CAPNS1: variants seen among roughly 807,000 people sequenced by gnomAD.
CAPNS1 encodes the protein CANP small subunit.
In CAPNS1, 32 loss-of-function variants were observed where a neutral mutation model predicts 39.2. The ratio of observed to expected loss-of-function variants is 0.82; its 90% CI spans 0.62 to 1.10. The LOEUF is 1.10. Ranked by LOEUF, CAPNS1 falls within the 50% of genes least tolerant of loss-of-function variation. The pLI is 0.00. For synonymous variants in CAPNS1, 153 were observed against 136.2 expected (o/e 1.12, Z -0.86); for missense variants, 353 against 373.1 (o/e 0.95, Z 0.44).
intron 4 of CAPNS1, 21 bp from the exon 5 acceptor site, chr19:36,142,888 G>T: frequency 1.2e-6 from 2 of 1,613,958 alleles, no homozygotes; most frequent in South Asian, 2.2e-5. Context: ...CCCCTGACCT[G>T]CCCCTAACTT....
intron 8 of CAPNS1, 33 bp from the exon 9 acceptor site, chr19:36,146,163 G>GC (rs1568394514): frequency 6.3e-7 from 1 of 1,585,710 alleles, no homozygotes; most frequent in Non-Finnish European, 8.7e-7. Flanking sequence ...GGGCCATGTG[G>GC]CCCCCGCACC....
intron 2 of CAPNS1, 90 bp from the exon 3 acceptor site, chr19:36,142,210 G>A (rs955568504): frequency 1.5e-5 from 12 of 817,666 alleles, no homozygotes; most frequent in Admixed American, 5.1e-5. Flanking sequence ...TAACGGCTGG[G>A]GTCTGGAGCG....
intron 9 of CAPNS1, among the ~76,000 whole-genome samples, chr19:36,147,079 C>G (rs1408701675): frequency 6.6e-6 from 1 of 152,178 alleles, no homozygotes; most frequent in Non-Finnish European, 1.5e-5. Context: ...CTCCTGGGCT[C>G]CAGCAATCCT....
rs768613684 is a variant in CAPNS1 at position 36,150,026 on chromosome 19, T to C, written c.*187T>C. 2.9e-5 allele frequency: 14 copies of C among 484,488 alleles called. No individual in the cohort carries two copies. Among genetic ancestry groups the C allele is most frequent in the African/African-American group, 6.0e-5 (3 of 49,784 alleles). 30.0% of individuals were successfully genotyped at this position (484,488 alleles called of 1,614,324 possible). A position where few individuals can be genotyped will look rare whatever the true frequency, so the allele number is the denominator to read the frequency against. On this transcript the variant is annotated 3_prime_UTR_variant, in exon 11 of 11. Transcript: ENST00000246533. ...AGGGCCCAATTTGCCCTGCCTGGAG[T>C]TCCCCCTGGCTCTAGGACACTCTAA...
Position 36,142,596 on chromosome 19 carries a change from G to T in CAPNS1, c.244-56G>T, listed in dbSNP as rs374159469. The stretch of plus-strand genomic sequence containing the variant: ...CCCCACCCAGGGTACCTGGGTTTGG[G>T]GAGCCGTCCTGGCCGGGTTCCCCTC... On this transcript the variant is annotated intron_variant, in intron 3 of 10. Coordinates refer to ENST00000246533, the MANE Select transcript of CAPNS1 (RefSeq NM_001749.4). 682 of 1,468,422 alleles carry T rather than the reference G, an allele frequency of 4.6e-4. 1 individual carries two copies. Among genetic ancestry groups the T allele is most frequent in the Admixed American group, 6.8e-4 (38 of 56,174 alleles). The allele number at this position is 1,468,422 out of a possible 1,614,324, so 91.0% of individuals were successfully genotyped here. A position where few individuals can be genotyped will look rare whatever the true frequency, so the allele number is the denominator to read the frequency against.
rs1411816649 is a variant in CAPNS1 at position 36,141,163 on chromosome 19, G to T, written c.152G>T (p.Gly51Val). The T allele has an allele frequency of 5.7e-6, 8 of 1,405,658 alleles. No individual in the cohort carries two copies. Among genetic ancestry groups the T allele is most frequent in the Non-Finnish European group, 7.4e-6 (8 of 1,084,136 alleles). The allele number at this position is 1,405,658 out of a possible 1,614,324, so 87.1% of individuals were successfully genotyped here. ...GGGGGGGGGGGGGGGGTAMRI... is the reference protein window; with the variant it reads ...GGGGGGGGGGVGGGGGTAMRI... The stretch of plus-strand genomic sequence containing the variant: ...GGCGGCGGCGGCGGCGGTGGTGGAG[G>T]CGGCGGTGGCGGTGGAACGGCCATG... Residue 51 changes from glycine to valine, a missense_variant, in exon 2 of 11, where the codon GGC (glycine) becomes GTC (valine). Gly to Val is a moderately radical substitution (Grantham distance 109). Transcript: ENST00000246533.
Position 36,146,236 on chromosome 19 carries a change from A to G in CAPNS1, c.645A>G (p.Arg215=), listed in dbSNP as rs1974562340. Residue 215 remains arginine, a synonymous_variant, in exon 9 of 11, where the codon CGA becomes CGG. Transcript: ENST00000246533. ...AGCATCTCTATAACATGATCATCCG[A>G]CGCTACTCAGATGAAAGTGGGAACA... ...LNEHLYNMII[R]RYSDESGNMD... 2 of 1,613,892 alleles carry G rather than the reference A, an allele frequency of 1.2e-6. No individual in the cohort carries two copies. Among genetic ancestry groups the G allele is most frequent in the Admixed American group, 1.7e-5 (1 of 60,006 alleles).
At chr19:36,148,230 C>T (rs1290619517) in intron 9 of CAPNS1, 1 of 151,780 alleles carries the variant, frequency 6.6e-6, no homozygotes, top group African/African-American at 2.4e-5. Context: ...ATAAGAGGGG[C>T]CAGGAAATAG....
Position 36,149,845 on chromosome 19 carries a change from A to G in CAPNS1, c.*6A>G, listed in dbSNP as rs755338794. 9 of 1,456,438 alleles carry G rather than the reference A, an allele frequency of 6.2e-6. No individual in the cohort carries two copies. The highest frequency in any genetic ancestry group is 8.2e-6 in the Non-Finnish European group (9 of 1,097,236). The allele number at this position is 1,456,438 out of a possible 1,614,324, so 90.2% of individuals were successfully genotyped here. ...AGCTGACTATGTATTCCTGAACTGG[A>G]GCCCCAGACCCGCCCCCTCACTGCC... On this transcript the variant is annotated 3_prime_UTR_variant, in exon 11 of 11. Transcript: ENST00000246533.
At chr19:36,145,753 GT>G (rs758269994) in intron 6 of CAPNS1, 52 bp from the exon 7 acceptor site, 7 of 1,490,014 alleles carry the variant, frequency 4.7e-6, no homozygotes, top group South Asian at 1.2e-5. Context: ...CACAGTGCAT[GT>G]GATGCATGCA....
At chr19:36,143,151 A>G (rs932493279) in intron 6 of CAPNS1, 23 bp downstream of exon 6, 2 of 1,610,452 alleles carry the variant, frequency 1.2e-6, no homozygotes, top group Non-Finnish European at 1.7e-6. Flanking sequence ...GCAGTGTGGG[A>G]GAGGCCCTGG....
chr19:36,147,380 G>C (rs767946366), intron 9 of CAPNS1, among the ~76,000 whole-genome samples: 1 of 152,204 alleles, frequency 6.6e-6, no homozygotes, highest in Non-Finnish European at 1.5e-5. Flanking sequence ...TGGGTGCCAA[G>C]TTTGGGGGTG....
Position 36,141,100 on chromosome 19 carries a change from G to A in CAPNS1, c.89G>A (p.Gly30Glu), listed in dbSNP as rs749603680. The change falls in exon 2 of 11, where the codon GGA becomes GAA. Residue 30 changes from glycine (G) to glutamate (E), a missense_variant. Gly to Glu is a moderately conservative substitution (Grantham distance 98, BLOSUM62 -2). Transcript: ENST00000246533. ...GGTGGGGGCCTGGGAAATGTGCTTG[G>A]AGGCCTGATCAGCGGGGCCGGGGGC... ...GLGGGLGNVL[G>E]GLISGAGGGG... is the part of the protein sequence containing the mutation. The A allele has an allele frequency of 9.5e-4, 1,378 of 1,451,508 alleles. 2 individuals carry two copies. The highest frequency in any genetic ancestry group is 1.2e-3 in the Non-Finnish European group (1,324 of 1,098,840). The allele number at this position is 1,451,508 out of a possible 1,614,324, so 89.9% of individuals were successfully genotyped here.
At chr19:36,142,626 T>C (rs1974417925) in intron 3 of CAPNS1, 26 bp from the exon 4 acceptor site, 1 of 1,606,448 alleles carries the variant, frequency 6.2e-7, no homozygotes, top group African/African-American at 1.3e-5. Flanking sequence ...CCCCTCCCCC[T>C]GCTCTGAGCT....
intron 2 of CAPNS1, 132 bp downstream of exon 2, chr19:36,141,352 C>T (rs561088376): frequency 5.1e-6 from 7 of 1,365,838 alleles, no homozygotes; most frequent in East Asian, 3.1e-5. Context: ...ATGAATTAGG[C>T]CGGGGAGGCC....
rs11084845 is a variant in CAPNS1, at chr19:36,141,158, T to G, written c.147T>G (p.Gly49=). 3.6e-6 allele frequency: 5 copies of G among 1,394,644 alleles called. No individual in the cohort carries two copies. The African/African-American group carries it at 6.2e-5, about 17-fold the overall frequency. The allele number at this position is 1,394,644 out of a possible 1,614,324, so 86.4% of individuals were successfully genotyped here. A position where few individuals can be genotyped will look rare whatever the true frequency, so the allele number is the denominator to read the frequency against. ...GCGGCGGCGGCGGCGGCGGCGGTGGTGGAGGCGGCGGTGGCGGTGGAACGG... is the reference window on the plus strand; with the variant it reads ...GCGGCGGCGGCGGCGGCGGCGGTGGGGGAGGCGGCGGTGGCGGTGGAACGG... ...GGGGGGGGGG[G]GGGGGGGTAM... Residue 49 remains glycine (G), a synonymous_variant, in exon 2 of 11, where the codon GGT becomes GGG. Coordinates refer to ENST00000246533, the MANE Select transcript of CAPNS1 (RefSeq NM_001749.4).
At position 36,141,097 on chromosome 19, in the gene CAPNS1, T is replaced by G; in HGVS notation, c.86T>G (p.Leu29Arg). ...CTGGGTGGGGGCCTGGGAAATGTGC[T>G]TGGAGGCCTGATCAGCGGGGCCGGG... ...GGLGGGLGNV[L>R]GGLISGAGGG... is the part of the protein sequence containing the mutation. Residue 29 changes from leucine to arginine, a missense_variant, in exon 2 of 11, where the codon CTT becomes CGT. Transcript: ENST00000246533. 1 of 1,453,308 alleles carries G rather than the reference T, an allele frequency of 6.9e-7. No individual in the cohort carries two copies. The highest frequency in any genetic ancestry group is 9.1e-7 in the Non-Finnish European group (1 of 1,099,392). The allele number at this position is 1,453,308 out of a possible 1,614,324, so 90.0% of individuals were successfully genotyped here.
chr19:36,149,865 A>C lies in CAPNS1; in HGVS notation c.*26A>C. ...ACTGGAGCCCCAGACCCGCCCCCTCACTGCCTTGCTATAGGAGTCACCTGG... is the reference window on the plus strand; with the variant it reads ...ACTGGAGCCCCAGACCCGCCCCCTCCCTGCCTTGCTATAGGAGTCACCTGG... On this transcript the variant is annotated 3_prime_UTR_variant, in exon 11 of 11. Transcript: ENST00000246533. The C allele has an allele frequency of 7.0e-7, 1 of 1,432,844 alleles. No homozygotes were observed. Among genetic ancestry groups the C allele is most frequent in the Non-Finnish European group, 9.2e-7 (1 of 1,085,508 alleles). The allele number at this position is 1,432,844 out of a possible 1,614,324, so 88.8% of individuals were successfully genotyped here. A position where few individuals can be genotyped will look rare whatever the true frequency, so the allele number is the denominator to read the frequency against.
At position 36,142,675 on chromosome 19, in the gene CAPNS1, C is replaced by T; in HGVS notation, c.267C>T (p.Asn89=). 9 of 1,614,186 alleles carry T rather than the reference C, an allele frequency of 5.6e-6. No homozygotes were observed. Among genetic ancestry groups the T allele is most frequent in the Non-Finnish European group, 7.6e-6 (9 of 1,180,026 alleles). Residue 89 remains asparagine, a synonymous_variant, in exon 4 of 11, where the codon AAC becomes AAT. Transcript: ENST00000246533. ...EPPPPRTHYS[N]IEANESEEVR... ...AGCCCCCACGCACACATTACTCCAA[C>T]ATTGAGGCCAACGAGAGTGAGGAGG...
Sources: gnomAD v4.1 joint callset for allele counts (sites outside exome capture counted in the v4.1 genomes callset) on GRCh38, gnomAD v4.1.1 for gene constraint, MANE v1.5 for transcripts, NCBI Gene and HGNC (gene_info 2026-07-23, HGNC 2026-07-21) for gene names.